Variants in WDR88 observed in about 807,000 individuals in gnomAD.
WDR88 encodes the protein WD repeat domain 88.
Under a neutral mutation model 46.8 loss-of-function variants are expected in WDR88, and 40 were observed. That is an observed-to-expected ratio of 0.86 (90% confidence interval 0.66 to 1.11). The LOEUF is 1.11. Ranked by LOEUF, WDR88 falls within the 50% of genes most tolerant of loss-of-function variation. The pLI is 0.00. For missense variants in WDR88, 562 were observed against 602.4 expected, an observed-to-expected ratio of 0.93 and a Z score of 0.70; for synonymous variants, 235 against 240.7, an observed-to-expected ratio of 0.98 and a Z score of 0.22.
chr19:33,161,103 G>A (rs1183713289), intron 8 of WDR88, among the ~76,000 whole-genome samples: 1 of 152,104 alleles, frequency 6.6e-6, no homozygotes, highest in African/African-American at 2.4e-5. Flanking sequence ...AACCCGGGAG[G>A]CGGAGGTTGC....
intron 1 of WDR88, among the ~76,000 whole-genome samples, chr19:33,135,439 G>C (rs2145358764): frequency 6.6e-6 from 1 of 152,260 alleles, no homozygotes; most frequent in African/African-American, 2.4e-5. Context: ...CTTTCTTTGA[G>C]ATGGAGTCTC....
At chr19:33,136,649 G>A (rs1288397674) in intron 1 of WDR88, among the ~76,000 whole-genome samples, 3 of 149,338 alleles carry the variant, frequency 2.0e-5, no homozygotes, top group Non-Finnish European at 3.0e-5. Context: ...TGTAACCTCC[G>A]CCTCCTGGGT....
At chr19:33,165,378 C>G (rs1973936760) in intron 9 of WDR88, among the ~76,000 whole-genome samples, 1 of 151,850 alleles carries the variant, frequency 6.6e-6, no homozygotes, top group Non-Finnish European at 1.5e-5. Flanking sequence ...ACAACAAACC[C>G]ATAATAATAC....
At position 33,157,695 on chromosome 19, in the gene WDR88, A is replaced by G. The variant is rs375968034; in HGVS notation, c.997+1153A>G. ...TGTGTGTGTGTATGTATGTATATAT[A>G]TATATATATATATATATATATATAT... On this transcript the variant is annotated intron_variant, in intron 7 of 10. Transcript: ENST00000355868. Among the ~76,000 whole-genome samples the G allele has an allele frequency of 9.6e-3, 19 of 1,972 alleles. 3 individuals are homozygous for G. Among genetic ancestry groups the G allele is most frequent in the African/African-American group, 0.028 (13 of 470 alleles). 1.3% of individuals were successfully genotyped at this position (1,972 alleles called of 152,430 possible). A position where few individuals can be genotyped will look rare whatever the true frequency, so the allele number is the denominator to read the frequency against.
At chr19:33,150,418 C>T (rs1169940049) in intron 5 of WDR88, among the ~76,000 whole-genome samples, 2 of 152,242 alleles carry the variant, frequency 1.3e-5, no homozygotes, top group Admixed American at 1.3e-4. Context: ...CTCTGCGCTC[C>T]AGCCCAGGTG....
At position 33,157,498 on chromosome 19, in the gene WDR88, A is replaced by T. The variant is rs557963113; in HGVS notation, c.997+956A>T. On this transcript the variant is annotated intron_variant, in intron 7 of 10. Transcript: ENST00000355868. ...GGGTGACAGAGCGAGACTCTGTCTC[A>T]ATATATATATATATGTATATATATG... Among the ~76,000 whole-genome samples, 642 of 133,678 alleles carry T rather than the reference A, an allele frequency of 4.8e-3. 6 individuals are homozygous for T. Among genetic ancestry groups the T allele is most frequent in the African/African-American group, 0.018 (582 of 33,100 alleles). The allele number at this position is 133,678 out of a possible 152,430, so 87.7% of individuals were successfully genotyped here.
rs186338568 is a variant in WDR88 at position 33,134,218 on chromosome 19, G to A, written c.276+1773G>A. ...CTGTGTGCAGAAAAAAACCTGAAAC[G>A]AGAGCCCCAGAAAAGCCTGTGGTGG... On this transcript the variant is annotated intron_variant, in intron 1 of 10. Coordinates refer to ENST00000355868, the MANE Select transcript of WDR88 (RefSeq NM_173479.4). Among the ~76,000 whole-genome samples, 437 of 152,254 alleles carry A rather than the reference G, an allele frequency of 2.9e-3. 4 individuals are homozygous for A. The highest frequency in any genetic ancestry group is 9.9e-3 in the African/African-American group (411 of 41,548).
chr19:33,172,556 T>G, intron 10 of WDR88, 116 bp downstream of exon 10: 1 of 832,164 alleles, frequency 1.2e-6, no homozygotes, highest in South Asian at 1.8e-5. Context: ...ACAAACAGAC[T>G]GACATTTTTG....
At chr19:33,174,726 C>T in intron 10 of WDR88, 1 of 985,430 alleles carries the variant, frequency 1.0e-6, no homozygotes, top group Non-Finnish European at 1.2e-6. Flanking sequence ...TTTTACTCGG[C>T]ACAGAACAAT....
At chr19:33,163,281 C>T (rs1973899438) in intron 8 of WDR88, among the ~76,000 whole-genome samples, 1 of 150,822 alleles carries the variant, frequency 6.6e-6, no homozygotes. Context: ...TGCAGTGAGC[C>T]GAGATCACAC....
chr19:33,149,028 C>A, intron 5 of WDR88, 118 bp downstream of exon 5: 1 of 1,461,714 alleles, frequency 6.8e-7, no homozygotes, highest in Non-Finnish European at 9.2e-7. Context: ...TGAAGCACGT[C>A]ATTAAAGCTG....
intron 2 of WDR88, 100 bp from the exon 3 acceptor site, chr19:33,144,744 C>A: frequency 9.3e-7 from 1 of 1,079,898 alleles, no homozygotes; most frequent in Non-Finnish European, 1.4e-6. Context: ...TCAGATTTTG[C>A]TACCAGAGAT....
chr19:33,145,763 A>T (rs1973499632), intron 3 of WDR88, among the ~76,000 whole-genome samples: 1 of 151,618 alleles, frequency 6.6e-6, no homozygotes, highest in South Asian at 2.1e-4. Context: ...CGAACTCTTG[A>T]CCTCAGGTGA....
At chr19:33,133,636 C>T (rs184904441) in intron 1 of WDR88, among the ~76,000 whole-genome samples, 80 of 152,328 alleles carry the variant, frequency 5.3e-4, no homozygotes, top group Non-Finnish European at 9.6e-4. Flanking sequence ...ATAATTTCCT[C>T]GAAACCTCTG....
At chr19:33,136,176 C>T (rs1351185960) in intron 1 of WDR88, among the ~76,000 whole-genome samples, 1 of 152,108 alleles carries the variant, frequency 6.6e-6, no homozygotes, top group African/African-American at 2.4e-5. Context: ...CTGCCTCAGC[C>T]TCATGAGTAG....
intron 6 of WDR88, among the ~76,000 whole-genome samples, chr19:33,156,069 T>C (rs932117605): frequency 6.6e-6 from 1 of 152,226 alleles, no homozygotes; most frequent in African/African-American, 2.4e-5. Context: ...GTCTCTATTA[T>C]TATTTTTCTA....
intron 9 of WDR88, among the ~76,000 whole-genome samples, chr19:33,164,772 C>G (rs1043451632): frequency 6.6e-6 from 1 of 152,070 alleles, no homozygotes; most frequent in African/African-American, 2.4e-5. Context: ...CTTTTTGGCA[C>G]CAGGGACCAG....
chr19:33,145,644 C>T (rs1163902010), intron 3 of WDR88, among the ~76,000 whole-genome samples: 1 of 151,926 alleles, frequency 6.6e-6, no homozygotes, highest in African/African-American at 2.4e-5. Flanking sequence ...GAGTGATTCT[C>T]CTGCCTCAGC....
At chr19:33,160,647 C>A in intron 8 of WDR88, 151 bp downstream of exon 8, 1 of 797,740 alleles carries the variant, frequency 1.3e-6, no homozygotes, top group Non-Finnish European at 2.1e-6. Flanking sequence ...CCAGCAAACA[C>A]ACCACCGACT....
Sources: gnomAD v4.1 joint callset for allele counts (sites outside exome capture counted in the v4.1 genomes callset) on GRCh38, gnomAD v4.1.1 for gene constraint, MANE v1.5 for transcripts, NCBI Gene and HGNC (gene_info 2026-07-23, HGNC 2026-07-21) for gene names.